Variants in PHF8 observed in about 807,000 individuals in gnomAD.
The protein encoded by PHF8 is histone lysine demethylase PHF8.
A neutral mutation model predicts 74.4 loss-of-function variants in PHF8; 9 were observed. The observed-to-expected ratio is 0.12, with a 90% CI of 0.07 to 0.21. PHF8 has a LOEUF of 0.21. Ranked by LOEUF, PHF8 falls within the 10% of genes least tolerant of loss-of-function variation. PHF8 has a pLI of 1.00. For missense variants in PHF8, 478 were observed against 816.6 expected (o/e 0.59, Z 5.05); for synonymous variants, 311 against 316.6 (o/e 0.98, Z 0.19).
intron 18 of PHF8, among the ~76,000 whole-genome samples, chrX:53,964,020 T>A (rs782200195): frequency 9.0e-6 from 1 of 111,600 alleles, no homozygotes; most frequent in African/African-American, 3.3e-5. Context: ...ATAGAGAAAA[T>A]GTGGCACACA....
At chrX:54,022,689 C>A in intron 3 of PHF8, 69 bp downstream of exon 3, 1 of 695,153 alleles carries the variant, frequency 1.4e-6, no homozygotes, top group Non-Finnish European at 2.3e-6. Context: ...AGCAATCACT[C>A]CCCCAAATTT....
At chrX:54,019,392 G>A (rs1476342780) in intron 4 of PHF8, among the ~76,000 whole-genome samples, 2 of 110,429 alleles carry the variant, frequency 1.8e-5, no homozygotes, top group African/African-American at 6.6e-5. Context: ...AAGCTAGGGA[G>A]GTCAGGGCTG....
intron 11 of PHF8, 137 bp from the exon 12 acceptor site, chrX:53,995,919 C>CAAA: frequency 1.2e-5 from 4 of 323,063 alleles, no homozygotes; most frequent in Admixed American, 5.0e-5. Context: ...TATCCACATG[C>CAAA]AAAAAAAAAA....
At chrX:53,978,671 G>A (rs782275975) in intron 18 of PHF8, among the ~76,000 whole-genome samples, 27 of 108,375 alleles carry the variant, frequency 2.5e-4, no homozygotes, top group Non-Finnish European at 4.6e-4. Context: ...GGTGGTGTGC[G>A]CCTTTAATCC....
chrX:54,015,241 A>G (rs1569528610), intron 6 of PHF8, among the ~76,000 whole-genome samples: 1 of 111,542 alleles, frequency 9.0e-6, no homozygotes, highest in Non-Finnish European at 1.9e-5. Flanking sequence ...AAACAAACAA[A>G]TACAGTTTTT....
In PHF8 at chrX:54,044,047, C is replaced by G. The variant is rs906138993; in HGVS notation, c.-378G>C. 28 of 754,420 alleles carry G rather than the reference C, an allele frequency of 3.7e-5. 1 individual carries two copies. In the African/African-American group the frequency reaches 4.1e-4, roughly 11 times the overall value. The allele number at this position is 754,420 out of a possible 1,213,427, so 62.2% of individuals were successfully genotyped here. On this transcript the variant is annotated 5_prime_UTR_variant, in exon 1 of 22. Transcript: ENST00000338154. The stretch of plus-strand genomic sequence containing the variant: ...GAACCTCGCTCGCCTTCCCCTCGAG[C>G]CCCCCGCTGGGTCGCGCGGCGCCAG...
chrX:54,017,847 G>T (rs376247104), intron 4 of PHF8, 26 bp from the exon 5 acceptor site: 5 of 1,199,697 alleles, frequency 4.2e-6, no homozygotes, highest in Non-Finnish European at 4.5e-6. Flanking sequence ...GAGAAAGCTT[G>T]AGCCTGAGGC....
In PHF8 at chrX:54,044,218, T is replaced by TA. The variant is rs2066610636; in HGVS notation, c.-550dup. On this transcript the variant is annotated 5_prime_UTR_variant, in exon 1 of 22. Coordinates refer to ENST00000338154, the MANE Select transcript of PHF8 (RefSeq NM_015107.3). ...GCGTCGTCGCTGGGCCGGCAGGAGA[T>TA]ACTCGCGAGCAAACCAACGGGGAAA... 4.0e-6 allele frequency: 3 copies of TA among 754,878 alleles called. No homozygotes were observed. The highest frequency in any genetic ancestry group is 4.7e-6 in the Non-Finnish European group (3 of 639,421). The allele number at this position is 754,878 out of a possible 1,213,427, so 62.2% of individuals were successfully genotyped here.
intron 18 of PHF8, among the ~76,000 whole-genome samples, chrX:53,973,379 C>A (rs1210342520): frequency 9.0e-6 from 1 of 111,720 alleles, no homozygotes; most frequent in Non-Finnish European, 1.9e-5. Flanking sequence ...GGAGGCATCA[C>A]GCTACCCGAC....
At chrX:53,986,374 T>TG (rs1180683489) in intron 16 of PHF8, among the ~76,000 whole-genome samples, 1 of 112,377 alleles carries the variant, frequency 8.9e-6, no homozygotes, top group African/African-American at 3.2e-5. Context: ...CCCAAGTAGC[T>TG]GGGACTACAG....
At chrX:53,987,985 TG>T in intron 14 of PHF8, 41 bp from the exon 15 acceptor site, 1 of 1,031,010 alleles carries the variant, frequency 9.7e-7, no homozygotes, top group Non-Finnish European at 1.4e-6. Context: ...CTAGCAGTAT[TG>T]TTAGTCGCTA....
In PHF8 at chrX:53,963,152, T is replaced by A. The variant is rs1467164719; in HGVS notation, c.2444-213A>T. Among the ~76,000 whole-genome samples the A allele has an allele frequency of 1.8e-5, 2 of 112,053 alleles. 1 individual carries two copies. Among genetic ancestry groups the A allele is most frequent in the Non-Finnish European group, 3.8e-5 (2 of 53,250 alleles). ...TGTCCTTCTCCTAGATTCACCTAATTCTGATTCATTCACCCAACATCCATT... is the reference window on the plus strand; with the variant it reads ...TGTCCTTCTCCTAGATTCACCTAATACTGATTCATTCACCCAACATCCATT... On this transcript the variant is annotated intron_variant, in intron 18 of 21. Coordinates refer to ENST00000338154, the MANE Select transcript of PHF8 (RefSeq NM_015107.3).
chrX:54,005,611 T>A (rs2065886493), intron 8 of PHF8, among the ~76,000 whole-genome samples: 1 of 87,492 alleles, frequency 1.1e-5, no homozygotes. Context: ...ATGGCCAAAC[T>A]GCAGAAAACT....
chrX:53,943,497 G>C (rs2064783515), intron 20 of PHF8: 2 of 866,909 alleles, frequency 2.3e-6, no homozygotes, highest in Non-Finnish European at 3.1e-6. Flanking sequence ...CAAAGCAGAT[G>C]CTTAACAGTG....
chrX:54,040,067 G>A (rs1029591976), intron 2 of PHF8: 16 of 112,061 alleles, frequency 1.4e-4, no homozygotes, highest in Non-Finnish European at 3.0e-4. Flanking sequence ...CAACAAGCAG[G>A]TCTCACTATA....
intron 12 of PHF8, chrX:53,995,166 G>C (rs1557102448): frequency 1.2e-5 from 4 of 342,298 alleles, no homozygotes; most frequent in Non-Finnish European, 2.4e-5. Context: ...TATGCCACCT[G>C]TTGAAACATG....
At chrX:54,013,061 T>A (rs1287058346) in intron 7 of PHF8, among the ~76,000 whole-genome samples, 1 of 109,806 alleles carries the variant, frequency 9.1e-6, no homozygotes, top group Non-Finnish European at 1.9e-5. Context: ...GAGGCTGCAG[T>A]GAGTTATGAC....
At chrX:54,001,507 C>T (rs1167374185) in intron 10 of PHF8, among the ~76,000 whole-genome samples, 3 of 104,696 alleles carry the variant, frequency 2.9e-5, no homozygotes, top group Admixed American at 2.1e-4. Flanking sequence ...GACTGTGTCT[C>T]GGAAAAAAAG....
At chrX:53,973,135 A>G (rs1557095096) in intron 18 of PHF8, among the ~76,000 whole-genome samples, 1 of 112,067 alleles carries the variant, frequency 8.9e-6, no homozygotes, top group Non-Finnish European at 1.9e-5. Context: ...CCACTGCTCA[A>G]GGAAATGAGA....
Sources: allele counts gnomAD v4.1 joint callset (sites outside exome capture counted in the v4.1 genomes callset), GRCh38; gene constraint gnomAD v4.1.1; transcripts MANE v1.5; gene names NCBI Gene and HGNC (gene_info 2026-07-23, HGNC 2026-07-21).